Variants in MAP2K3 observed in about 807,000 individuals in gnomAD.
MAP2K3 encodes mitogen-activated protein kinase kinase 3.
MAP2K3 carries 30 observed loss-of-function variants against 46.4 expected under a neutral mutation model. The ratio of observed to expected loss-of-function variants is 0.65; its 90% CI spans 0.48 to 0.88. The LOEUF is 0.88. Among genes scored for constraint, MAP2K3 ranks in the 40% least tolerant of loss-of-function variants. The pLI is 0.00. For missense variants in MAP2K3, 380 were observed against 464.5 expected, an observed-to-expected ratio of 0.82 and a Z score of 1.67; for synonymous variants, 189 against 176.3, an observed-to-expected ratio of 1.07 and a Z score of -0.57.
intron 7 of MAP2K3, among the ~76,000 whole-genome samples, 164 bp from the exon 8 acceptor site, chr17:21,304,262 C>T (rs1976764866): frequency 2.0e-5 from 3 of 152,310 alleles, no homozygotes; most frequent in Non-Finnish European, 2.9e-5. Flanking sequence ...AGCCTCAGTT[C>T]CCTGGTCTGA....
intron 1 of MAP2K3, among the ~76,000 whole-genome samples, chr17:21,292,809 A>G (rs1354058985): frequency 6.6e-6 from 1 of 152,312 alleles, no homozygotes; most frequent in African/African-American, 2.4e-5. Flanking sequence ...TCTTTCTCAC[A>G]CTGCTGTACT....
intron 1 of MAP2K3, among the ~76,000 whole-genome samples, chr17:21,293,019 AG>A (rs1976029643): frequency 1.3e-5 from 2 of 152,308 alleles, no homozygotes; most frequent in African/African-American, 4.8e-5. Context: ...ATGTAATGAA[AG>A]AAATTTGCAT....
At chr17:21,292,554 A>G (rs1252798021) in intron 1 of MAP2K3, among the ~76,000 whole-genome samples, 2 of 152,312 alleles carry the variant, frequency 1.3e-5, no homozygotes, top group Non-Finnish European at 2.9e-5. Flanking sequence ...TTGTAGAGAC[A>G]GGATTTTGTC....
intron 1 of MAP2K3, chr17:21,296,335 A>T: frequency 1.9e-6 from 1 of 525,362 alleles, no homozygotes; most frequent in Non-Finnish European, 3.1e-6. Flanking sequence ...CCAGAGCCTC[A>T]GAAGTTCAGA....
At chr17:21,288,134 G>T (rs1469094541) in intron 1 of MAP2K3, 7 of 1,275,674 alleles carry the variant, frequency 5.5e-6, no homozygotes, top group Non-Finnish European at 5.1e-6. Context: ...CGCTGGGCAT[G>T]CCAGCCGGCT....
chr17:21,307,424 G>A (rs1976945071), intron 9 of MAP2K3, among the ~76,000 whole-genome samples: 1 of 150,198 alleles, frequency 6.7e-6, no homozygotes, highest in Non-Finnish European at 1.5e-5. Context: ...TGTTGCAGAT[G>A]CGGAGGCCTC....
chr17:21,293,687 C>T lies in MAP2K3; in HGVS notation c.50-4726C>T, dbSNP rs1567660666. On this transcript the variant is annotated intron_variant, in intron 1 of 11. Coordinates refer to ENST00000342679, the MANE Select transcript of MAP2K3 (RefSeq NM_145109.3). Reference sequence around the variant, plus strand: ...GTGGCCTTGCACAGCCGGGCAGAGGCAGGGCAGGGCTGTGGAGGGCAGAGC... The same window carrying T: ...GTGGCCTTGCACAGCCGGGCAGAGGTAGGGCAGGGCTGTGGAGGGCAGAGC... 2.6e-5 allele frequency among the ~76,000 whole-genome samples: 4 copies of T among 151,922 alleles called. No homozygotes were observed. In the South Asian group the frequency reaches 6.2e-4, roughly 24 times the overall value.
intron 1 of MAP2K3, among the ~76,000 whole-genome samples, chr17:21,292,915 T>A (rs1408825482): frequency 6.6e-6 from 1 of 152,310 alleles, no homozygotes; most frequent in Non-Finnish European, 1.5e-5. Flanking sequence ...GCCAGCCTTT[T>A]GATTCTATAA....
intron 3 of MAP2K3, among the ~76,000 whole-genome samples, chr17:21,299,701 AGC>A (rs1976481979): frequency 9.4e-4 from 15 of 16,014 alleles, no homozygotes; most frequent in African/African-American, 3.3e-3. Context: ...AAAAAAAAAG[AGC>A]TGGGCACGGT....
intron 6 of MAP2K3, 56 bp from the exon 7 acceptor site, chr17:21,303,127 A>G (rs1331979976): frequency 5.0e-6 from 8 of 1,610,748 alleles, no homozygotes; most frequent in South Asian, 1.1e-5. Flanking sequence ...GTCGTTTTTG[A>G]CGTGACCAGG....
chr17:21,298,767 G>A, intron 2 of MAP2K3, 111 bp from the exon 3 acceptor site: 2 of 1,530,426 alleles, frequency 1.3e-6, no homozygotes, highest in Non-Finnish European at 1.8e-6. Flanking sequence ...GGCGCCTCCG[G>A]GGCAGGAGGC....
chr17:21,290,078 G>A (rs1037867851), intron 1 of MAP2K3, among the ~76,000 whole-genome samples: 1 of 152,246 alleles, frequency 6.6e-6, no homozygotes, highest in Non-Finnish European at 1.5e-5. Context: ...GGGCTTCCAA[G>A]GCCCGTCCCA....
chr17:21,303,308 C>T, intron 7 of MAP2K3, 74 bp downstream of exon 7: 1 of 1,598,672 alleles, frequency 6.3e-7, no homozygotes, highest in African/African-American at 1.3e-5. Context: ...GTGGACGTCT[C>T]CCTATGAGCA....
intron 3 of MAP2K3, among the ~76,000 whole-genome samples, chr17:21,300,008 C>A (rs1976499838): frequency 2.0e-5 from 3 of 152,312 alleles, no homozygotes; most frequent in Admixed American, 2.0e-4. Context: ...ATTCCCTAGG[C>A]CTGTCCTTGA....
At chr17:21,288,020 A>G (rs1004654833) in intron 1 of MAP2K3, 1 of 1,289,230 alleles carries the variant, frequency 7.8e-7, no homozygotes, top group Non-Finnish European at 1.0e-6. Context: ...CCCATGGCCC[A>G]GCGCCCAAAG....
intron 11 of MAP2K3, 159 bp from the exon 12 acceptor site, chr17:21,313,988 G>A: frequency 1.5e-6 from 1 of 671,976 alleles, no homozygotes; most frequent in South Asian, 1.7e-5. Context: ...GATGCCATCT[G>A]TGACAGTCAT....
chr17:21,296,464 G>T (rs875404), intron 1 of MAP2K3, among the ~76,000 whole-genome samples: 2 of 152,214 alleles, frequency 1.3e-5, no homozygotes, highest in African/African-American at 2.4e-5. Context: ...GCCGTTTCTT[G>T]TTGAGCACGA....
rs1975679380 is a variant in MAP2K3, at chr17:21,284,807, C to T, written c.-114C>T. 1 of 1,239,666 alleles carries T rather than the reference C, an allele frequency of 8.1e-7. No individual in the cohort carries two copies. Among genetic ancestry groups the T allele is most frequent in the African/African-American group, 1.6e-5 (1 of 62,256 alleles). 76.8% of individuals were successfully genotyped at this position (1,239,666 alleles called of 1,614,324 possible). On this transcript the variant is annotated 5_prime_UTR_variant, in exon 1 of 12. Transcript: ENST00000342679. ...GCCGCCGCCGCCGCCGCCGCCGCCG[C>T]TGCTCCTCCGCCTGGCCTGGGCCGT... is the stretch of plus-strand genomic sequence containing the variant.
chr17:21,300,397 G>T lies in MAP2K3; in HGVS notation c.166-148G>T, dbSNP rs1269712889. On this transcript the variant is annotated intron_variant, in intron 3 of 11. Transcript: ENST00000342679. ...AGAGAGGTTAAGTGACTTGCTGAGGGTCACACAGCAGGGAGCGGTGGATAT... is the reference window on the plus strand; with the variant it reads ...AGAGAGGTTAAGTGACTTGCTGAGGTTCACACAGCAGGGAGCGGTGGATAT... 6.4e-6 allele frequency: 5 copies of T among 784,128 alleles called. No homozygotes were observed. In the Admixed American group the frequency reaches 8.9e-5, roughly 14 times the overall value. 48.6% of individuals were successfully genotyped at this position (784,128 alleles called of 1,614,324 possible). A position where few individuals can be genotyped will look rare whatever the true frequency, so the allele number is the denominator to read the frequency against.
Sources: allele counts gnomAD v4.1 joint callset (sites outside exome capture counted in the v4.1 genomes callset), GRCh38; gene constraint gnomAD v4.1.1; transcripts MANE v1.5; gene names NCBI Gene and HGNC (gene_info 2026-07-23, HGNC 2026-07-21).